Variants in MYO9B observed in about 807,000 individuals in gnomAD.
MYO9B encodes the protein unconventional myosin-IXb.
A neutral mutation model predicts 229.5 loss-of-function variants in MYO9B; 71 were observed. That is an observed-to-expected ratio of 0.31 (90% CI 0.26 to 0.38). MYO9B has a LOEUF of 0.38. Among genes scored for constraint, MYO9B ranks in the 10% least tolerant of loss-of-function variants. The probability of loss-of-function intolerance (pLI) is 1.00; values close to 1 mark genes in which losing one functional copy is unlikely to be tolerated. For synonymous variants in MYO9B, 1,185 were observed against 1,235.8 expected, an observed-to-expected ratio of 0.96 and a Z score of 0.86; for missense variants, 2,255 against 2,920.5, an observed-to-expected ratio of 0.77 and a Z score of 5.25.
At chr19:17,143,776 C>T (rs2072372458) in intron 2 of MYO9B, among the ~76,000 whole-genome samples, 1 of 152,166 alleles carries the variant, frequency 6.6e-6, no homozygotes, top group South Asian at 2.1e-4. Flanking sequence ...CAAAAATTAG[C>T]TGGGCATGGT....
rs1475774233 is a variant in MYO9B at position 17,202,168 on chromosome 19, G to A, written c.4701G>A (p.Glu1567=). ...ACGTGGGCTACAAGGATCTGATGGA[G>A]AACTACCAGATCGTCGTCAGCAACC... The part of the protein sequence containing the change: ...KIHVGYKDLM[E]NYQIVVSNLA... Residue 1567 remains glutamate (E), a synonymous_variant, in exon 28 of 40, where the codon GAG becomes GAA. Coordinates refer to ENST00000682292, the MANE Select transcript of MYO9B (RefSeq NM_004145.4). 5 of 1,613,846 alleles carry A rather than the reference G, an allele frequency of 3.1e-6. No individual in the cohort carries two copies. In the Admixed American group the frequency reaches 8.3e-5, roughly 27 times the overall value.
intron 2 of MYO9B, among the ~76,000 whole-genome samples, chr19:17,108,511 C>T (rs544125416): frequency 1.3e-5 from 2 of 152,166 alleles, no homozygotes; most frequent in South Asian, 4.1e-4. Flanking sequence ...GGTGTGACAC[C>T]CAGAAGTGTC....
At position 17,167,052 on chromosome 19, in the gene MYO9B, C is replaced by T. The variant is rs1167418530; in HGVS notation, c.1672-891C>T. Reference sequence around the variant, plus strand: ...CCAAACTGCTTGGGAGCAGAAGTGTCTCAGGTTTGGGATTTTTTTCAGATT... The same window carrying T: ...CCAAACTGCTTGGGAGCAGAAGTGTTTCAGGTTTGGGATTTTTTTCAGATT... On this transcript the variant is annotated intron_variant, in intron 10 of 39. Transcript: ENST00000682292. 2.1e-5 allele frequency among the ~76,000 whole-genome samples: 3 copies of T among 145,492 alleles called. No homozygotes were observed. The East Asian group carries it at 5.8e-4, about 28-fold the overall frequency.
At chr19:17,196,325 A>G (rs1319905618) in intron 22 of MYO9B, among the ~76,000 whole-genome samples, 1 of 151,878 alleles carries the variant, frequency 6.6e-6, no homozygotes, top group Admixed American at 6.6e-5. Flanking sequence ...GGATAGATAG[A>G]AGACAGGTAG....
At chr19:17,146,852 G>A (rs1407749855) in intron 3 of MYO9B, among the ~76,000 whole-genome samples, 1 of 152,122 alleles carries the variant, frequency 6.6e-6, no homozygotes, top group Non-Finnish European at 1.5e-5. Context: ...CATGTGAGGG[G>A]CTGCTGTGTC....
chr19:17,094,263 AACCTCAGGTGATCTGCCC>A (rs1173279978), intron 1 of MYO9B, among the ~76,000 whole-genome samples: 4 of 144,956 alleles, frequency 2.8e-5, no homozygotes, highest in Non-Finnish European at 6.1e-5. Flanking sequence ...TCGAACTCCC[AACCTCAGGTGATCTGCCC>A]ACCTTGGCCT....
Position 17,201,984 on chromosome 19 carries a change from A to C in MYO9B, c.4622A>C (p.Glu1541Ala). The C allele has an allele frequency of 3.7e-6, 6 of 1,612,962 alleles. No homozygotes were observed. Among genetic ancestry groups the C allele is most frequent in the Non-Finnish European group, 4.2e-6 (5 of 1,179,594 alleles). Residue 1541 changes from glutamate (E) to alanine (A), a missense_variant, in exon 27 of 40, where the codon GAG becomes GCG. This residue lies in a region of MYO9B where 416 missense variants were observed against 605.5 expected (regional missense o/e 0.69). Transcript: ENST00000682292. ...GAGAGCTTGTTTATCGAAGCCACCG[A>C]GAAGTTCAGGAGCAACATCAAAACG... Reference protein sequence around the residue: ...PIESLFIEATEKFRSNIKTMY... With the variant: ...PIESLFIEATAKFRSNIKTMY...
chr19:17,197,985 A>G (rs1038080942), intron 23 of MYO9B, 127 bp downstream of exon 23: 2 of 1,379,334 alleles, frequency 1.4e-6, no homozygotes, highest in Non-Finnish European at 9.9e-7. Context: ...ACGCAGTGGC[A>G]GGGTAGAGGT....
intron 1 of MYO9B, among the ~76,000 whole-genome samples, chr19:17,081,525 G>C (rs541457074): frequency 1.0e-3 from 156 of 152,198 alleles, no homozygotes; most frequent in African/African-American, 3.6e-3. Flanking sequence ...AGAGAGGTGA[G>C]AGGCCTGGTG....
At chr19:17,091,225 G>GT (rs2057634788) in intron 1 of MYO9B, among the ~76,000 whole-genome samples, 1 of 148,728 alleles carries the variant, frequency 6.7e-6, no homozygotes, top group Non-Finnish European at 1.5e-5. Flanking sequence ...GTTTTGTTTT[G>GT]TTTTTTGTTT....
chr19:17,077,916 C>T (rs2057501182), intron 1 of MYO9B, among the ~76,000 whole-genome samples: 1 of 152,202 alleles, frequency 6.6e-6, no homozygotes, highest in Non-Finnish European at 1.5e-5. Flanking sequence ...ATTCCCAAAG[C>T]TTTGGAAACT....
At chr19:17,190,609 G>C (rs2072973017) in intron 19 of MYO9B, among the ~76,000 whole-genome samples, 1 of 145,178 alleles carries the variant, frequency 6.9e-6, no homozygotes, top group Non-Finnish European at 1.5e-5. Context: ...CTGCACTCCA[G>C]CCTGGGTAAC....
intron 8 of MYO9B, among the ~76,000 whole-genome samples, chr19:17,160,685 A>G (rs28522873): frequency 0.27 from 40,057 of 148,666 alleles, 5,842 homozygotes; most frequent in East Asian, 0.4. Flanking sequence ...TTTTTTTTGC[A>G]TTTTTATTTA....
chr19:17,205,878 G>A (rs1385199593), intron 31 of MYO9B, 82 bp from the exon 32 acceptor site: 2 of 1,363,296 alleles, frequency 1.5e-6, no homozygotes, highest in African/African-American at 1.5e-5. Context: ...CCTTGTGCGG[G>A]ACCAGGAGGC....
chr19:17,102,431 G>C lies in MYO9B; in HGVS notation c.714G>C (p.Ser238=). 3.7e-6 allele frequency: 6 copies of C among 1,613,960 alleles called. No homozygotes were observed. The change falls in exon 2 of 40, where the codon TCG becomes TCC. Residue 238 remains serine (S), a synonymous_variant. Transcript: ENST00000682292. ...GCGTGAACCAGTGCATCGTGATCTC[G>C]GGTGAGAGCGGCTCCGGCAAGACCC... is the stretch of plus-strand genomic sequence containing the variant. ...RKRVNQCIVI[S]GESGSGKTQS...
At chr19:17,203,397 G>A in intron 30 of MYO9B, 139 bp downstream of exon 30, 2 of 603,978 alleles carry the variant, frequency 3.3e-6, no homozygotes, top group Non-Finnish European at 5.9e-6. Flanking sequence ...GGTGGATAAC[G>A]AGGTCAGGAG....
In MYO9B at chr19:17,163,005, C is replaced by CCTG. The variant is rs1439167662; in HGVS notation, c.1555_1557dup (p.Leu519dup). On this transcript the variant is annotated inframe_insertion, in exon 10 of 40. Transcript: ENST00000682292. ...TCTCCCAGTGCCTGTCCATTGGGGT[C>CCTG]CTGGACATCTTCGGGTTTGAAGACT... The CCTG allele has an allele frequency of 6.2e-7, 1 of 1,610,220 alleles. No homozygotes were observed. The highest frequency in any genetic ancestry group is 8.5e-7 in the Non-Finnish European group (1 of 1,178,430).
intron 7 of MYO9B, chr19:17,157,537 C>T (rs576437615): frequency 4.8e-4 from 76 of 157,266 alleles, no homozygotes; most frequent in South Asian, 2.6e-3. Context: ...CCAGTCTGGG[C>T]GACAGAGCGA....
In MYO9B at chr19:17,156,259, GTTTCAC is replaced by G. The variant is rs1217522289; in HGVS notation, c.1200-648_1200-643del. ...CACTTCTTTTTTCTTTTGTGAGACA[GTTTCAC>G]TAGCCAGGCATGGTGGTACAAACCT... On this transcript the variant is annotated intron_variant, in intron 6 of 39. Coordinates refer to ENST00000682292, the MANE Select transcript of MYO9B (RefSeq NM_004145.4). 2.0e-5 allele frequency among the ~76,000 whole-genome samples: 3 copies of G among 151,768 alleles called. No homozygotes were observed. In the East Asian group the frequency reaches 5.8e-4, roughly 30 times the overall value.
Sources: allele counts gnomAD v4.1 joint callset (sites outside exome capture counted in the v4.1 genomes callset), GRCh38; gene constraint gnomAD v4.1.1; regional missense constraint gnomAD v4.1.1; transcripts MANE v1.5; gene names NCBI Gene and HGNC (gene_info 2026-07-23, HGNC 2026-07-21).